Variants in CPT1B observed in about 807,000 individuals in gnomAD.
CPT1B encodes carnitine palmitoyltransferase 1B.
A neutral mutation model predicts 92.7 loss-of-function variants in CPT1B; 57 were observed. The ratio of observed to expected loss-of-function variants is 0.62; its 90% CI spans 0.50 to 0.77. The LOEUF (loss-of-function observed/expected upper bound fraction) is 0.77, where lower values mean the gene tolerates loss of function less well. CPT1B is among the 30% of genes least tolerant of loss of function. CPT1B has a pLI of 0.00. For synonymous variants in CPT1B, 398 were observed against 383.5 expected, an observed-to-expected ratio of 1.04 and a Z score of -0.44; for missense variants, 983 against 1,017.4, an observed-to-expected ratio of 0.97 and a Z score of 0.46.
rs930803541 is a variant in CPT1B at position 50,571,943 on chromosome 22, G to A, written c.1575+63C>T. ...CAGGGGAGGAGGAGGCTCAGGCCTC[G>A]TCGGGGCTGTACCCACCTGCTGCTT... On this transcript the variant is annotated intron_variant, in intron 13 of 19. Coordinates refer to ENST00000312108, the MANE Select transcript of CPT1B (RefSeq NM_152246.3). 82 of 1,473,560 alleles carry A rather than the reference G, an allele frequency of 5.6e-5. No individual in the cohort carries two copies. In the African/African-American group the frequency reaches 1.0e-3, roughly 18 times the overall value. 91.3% of individuals were successfully genotyped at this position (1,473,560 alleles called of 1,614,324 possible).
intron 2 of CPT1B, 98 bp downstream of exon 2, chr22:50,577,675 CAG>C: frequency 6.6e-7 from 1 of 1,524,670 alleles, no homozygotes; most frequent in Non-Finnish European, 8.9e-7. Context: ...CTGTACCGGG[CAG>C]AAGTGCCAGC....
rs1569043401 is a variant in CPT1B, at chr22:50,573,446, A to G, written c.1166+74T>C. On this transcript the variant is annotated intron_variant, in intron 10 of 19. Coordinates refer to ENST00000312108, the MANE Select transcript of CPT1B (RefSeq NM_152246.3). The surrounding 1 kb of genome is among the most constrained non-coding windows in gnomAD (Gnocchi z 5.0). ...CTCCAGCCTCCAGTTCCAGGGTGGC[A>G]GGCAGGGCCACGCTCCTCTCCTCAC... 1 of 1,349,534 alleles carries G rather than the reference A, an allele frequency of 7.4e-7. No individual in the cohort carries two copies. Among genetic ancestry groups the G allele is most frequent in the Non-Finnish European group, 1.0e-6 (1 of 988,216 alleles). 83.6% of individuals were successfully genotyped at this position (1,349,534 alleles called of 1,614,324 possible).
chr22:50,573,866 C>T lies in CPT1B; in HGVS notation c.971-151G>A. 5.4e-6 allele frequency: 4 copies of T among 741,090 alleles called. 1 individual carries two copies. In the South Asian group the frequency reaches 5.9e-5, roughly 11 times the overall value. 45.9% of individuals were successfully genotyped at this position (741,090 alleles called of 1,614,324 possible). Reference sequence around the variant, plus strand: ...GCCCCCTGGATGGGATCCGTGTGTCCTAAACCAGGCCCTGTGCTGGGTGCT... The same window carrying T: ...GCCCCCTGGATGGGATCCGTGTGTCTTAAACCAGGCCCTGTGCTGGGTGCT... On this transcript the variant is annotated intron_variant, in intron 9 of 19. Coordinates refer to ENST00000312108, the MANE Select transcript of CPT1B (RefSeq NM_152246.3). The surrounding 1 kb of genome is among the most constrained non-coding windows in gnomAD (Gnocchi z 5.0).
intron 2 of CPT1B, 138 bp from the exon 3 acceptor site, chr22:50,577,601 C>T: frequency 7.1e-7 from 1 of 1,406,452 alleles, no homozygotes; most frequent in Non-Finnish European, 9.6e-7. Context: ...TCCTCCGCCA[C>T]ACCCACAGCT....
At position 50,571,195 on chromosome 22, in the gene CPT1B, G is replaced by A. The variant is rs144863640; in HGVS notation, c.1838C>T (p.Thr613Ile). ...ETVRSCTSESTAFVQAMMEGS... is the reference protein window; with the variant it reads ...ETVRSCTSESIAFVQAMMEGS... ...CTCCATCATGGCCTGCACAAAGGCT[G>A]TGGACTCGCTGGTACAGGAACGCAC... The change falls in exon 15 of 20, where the codon ACA (threonine) becomes ATA (isoleucine). Residue 613 changes from threonine to isoleucine, a missense_variant. By Grantham distance (89) the Thr-to-Ile change is moderately conservative. Coordinates refer to ENST00000312108, the MANE Select transcript of CPT1B (RefSeq NM_152246.3). 6.2e-6 allele frequency: 10 copies of A among 1,614,156 alleles called. No homozygotes were observed. In the African/African-American group the frequency reaches 1.3e-4, roughly 22 times the overall value.
chr22:50,576,435 T>C (rs1603443502), intron 5 of CPT1B, 100 bp from the exon 6 acceptor site: 3 of 1,605,032 alleles, frequency 1.9e-6, no homozygotes, highest in Non-Finnish European at 2.6e-6. Flanking sequence ...CCCATTATTC[T>C]CAAGCCCTTA....
At chr22:50,571,785 G>A (rs2070186982) in intron 13 of CPT1B, 2 of 649,554 alleles carry the variant, frequency 3.1e-6, no homozygotes. Flanking sequence ...TCCATCTCAT[G>A]GCTGTCTCTA....
intron 13 of CPT1B, 122 bp downstream of exon 13, chr22:50,571,884 C>T: frequency 1.0e-6 from 1 of 958,864 alleles, no homozygotes; most frequent in African/African-American, 1.6e-5. Context: ...GTGCCCTGTG[C>T]CTTCCCGAGG....
intron 19 of CPT1B, 112 bp from the exon 20 acceptor site, chr22:50,569,193 AG>A (rs1569037523): frequency 1.4e-6 from 1 of 712,902 alleles, no homozygotes; most frequent in Non-Finnish European, 2.3e-6. Context: ...CTCAGGGAGC[AG>A]CATCTGCCCA....
chr22:50,573,057 C>T lies in CPT1B; in HGVS notation c.1170G>A (p.Val390=). 1 of 1,594,504 alleles carries T rather than the reference C, an allele frequency of 6.3e-7. No individual in the cohort carries two copies. The highest frequency in any genetic ancestry group is 1.7e-4 in the Middle Eastern group (1 of 5,764). The stretch of plus-strand genomic sequence containing the variant: ...AGGCCTGGCGTGCCTGCGCCCACTC[C>T]ACCCTGAAGCATGGGGCAGGGTAAG... ...KLAALTAGGR[V]EWAQARQAFF... The change falls in exon 11 of 20, where the codon GTG becomes GTA. Residue 390 remains valine, a synonymous_variant. Transcript: ENST00000312108. This position sits in a 1 kb window ranked among gnomAD's most constrained non-coding sequence, Gnocchi z 5.0.
chr22:50,572,884 C>A lies in CPT1B; in HGVS notation c.1343G>T (p.Cys448Phe), dbSNP rs1359659519. ...LYGKALLHGN[C>F]YNRWFDKSFT... is the part of the protein sequence containing the mutation. ...GCTGGGGCTGCCGTACCTGTTGTAGCAGTTGCCATGTAGCAGGGCCTTGCC... is the reference window on the plus strand; with the variant it reads ...GCTGGGGCTGCCGTACCTGTTGTAGAAGTTGCCATGTAGCAGGGCCTTGCC... Residue 448 changes from cysteine (C) to phenylalanine (F), a missense_variant, in exon 11 of 20, where the codon TGC becomes TTC. Cys to Phe is a radical substitution (Grantham distance 205). Coordinates refer to ENST00000312108, the MANE Select transcript of CPT1B (RefSeq NM_152246.3). The A allele has an allele frequency of 6.2e-7, 1 of 1,604,912 alleles. No homozygotes were observed. Among genetic ancestry groups the A allele is most frequent in the Non-Finnish European group, 8.5e-7 (1 of 1,172,450 alleles).
rs2070211940 is a variant in CPT1B at position 50,572,209 on chromosome 22, G to A, written c.1452C>T (p.Leu484=). The A allele has an allele frequency of 6.2e-7, 1 of 1,613,528 alleles. No homozygotes were observed. The highest frequency in any genetic ancestry group is 8.5e-7 in the Non-Finnish European group (1 of 1,179,488). ...CCCTCTGCAAGGCTATTACCTCCCA[G>A]AGGTGCCCAATGATGGGAGCATCTG... ...AWADAPIIGH[L]WEFVLGTDSF... Residue 484 remains leucine (L), a synonymous_variant, in exon 12 of 20, where the codon CTC becomes CTT. Transcript: ENST00000312108.
At chr22:50,578,098 C>G (rs2146645760) in intron 1 of CPT1B, 164 bp from the exon 2 acceptor site, 1 of 241,424 alleles carries the variant, frequency 4.1e-6, no homozygotes, top group East Asian at 1.2e-4. Flanking sequence ...GCCAAATCCT[C>G]GCGCCAGCCT....
At chr22:50,570,513 A>G in intron 16 of CPT1B, 107 bp from the exon 17 acceptor site, 1 of 888,114 alleles carries the variant, frequency 1.1e-6, no homozygotes, top group Non-Finnish European at 1.7e-6. Context: ...CTGAGGGTGC[A>G]GGAGCTCCCT....
At chr22:50,574,656 C>T (rs975921721) in intron 7 of CPT1B, 56 bp from the exon 8 acceptor site, 2 of 1,433,708 alleles carry the variant, frequency 1.4e-6, no homozygotes, top group African/African-American at 2.8e-5. Context: ...TCACCTGAGT[C>T]TTGCTGACCC....
Position 50,573,790 on chromosome 22 carries a change from T to G in CPT1B, c.971-75A>C. On this transcript the variant is annotated intron_variant, in intron 9 of 19. Coordinates refer to ENST00000312108, the MANE Select transcript of CPT1B (RefSeq NM_152246.3). This position sits in a 1 kb window ranked among gnomAD's most constrained non-coding sequence, Gnocchi z 5.0. ...TGGGAAGGGCCCACCTCCCATGCAC[T>G]AGGTGACCCCTGCAGACCCTGTTTT... The G allele has an allele frequency of 1.5e-6, 2 of 1,356,068 alleles. No individual in the cohort carries two copies. The highest frequency in any genetic ancestry group is 1.9e-5 in the Admixed American group (1 of 52,156). 84.0% of individuals were successfully genotyped at this position (1,356,068 alleles called of 1,614,324 possible).
intron 5 of CPT1B, 53 bp downstream of exon 5, chr22:50,576,481 CAT>C (rs1410828381): frequency 3.8e-6 from 6 of 1,596,728 alleles, no homozygotes; most frequent in Non-Finnish European, 5.1e-6. Flanking sequence ...TATTTGGAAA[CAT>C]CTCCTGAATC....
intron 7 of CPT1B, 47 bp from the exon 8 acceptor site, chr22:50,574,647 C>T (rs1331497167): frequency 6.6e-7 from 1 of 1,515,650 alleles, no homozygotes; most frequent in Admixed American, 1.7e-5. Flanking sequence ...GTCTGGGTGT[C>T]ACCTGAGTCT....
At position 50,571,186 on chromosome 22, in the gene CPT1B, A is replaced by G. The variant is rs1434635398; in HGVS notation, c.1847T>C (p.Val616Ala). 5 of 1,614,164 alleles carry G rather than the reference A, an allele frequency of 3.1e-6. No individual in the cohort carries two copies. Among genetic ancestry groups the G allele is most frequent in the Non-Finnish European group, 3.4e-6 (4 of 1,180,026 alleles). Residue 616 changes from valine to alanine, a missense_variant, in exon 15 of 20, where the codon GTG (valine) becomes GCG (alanine). Coordinates refer to ENST00000312108, the MANE Select transcript of CPT1B (RefSeq NM_152246.3). The part of the protein sequence containing the change: ...RSCTSESTAF[V>A]QAMMEGSHTK... ...GTGGGACCCCTCCATCATGGCCTGC[A>G]CAAAGGCTGTGGACTCGCTGGTACA...
Sources: gnomAD v4.1 joint callset for allele counts on GRCh38, gnomAD v4.1.1 for gene constraint, Gnocchi (gnomAD v3.1) non-coding constraint, MANE v1.5 for transcripts, NCBI Gene and HGNC (gene_info 2026-07-23, HGNC 2026-07-21) for gene names.